Variants in OTOF observed in about 807,000 individuals in gnomAD.
OTOF encodes fer-1-like family member 2.
Under a neutral mutation model 236.8 loss-of-function variants are expected in OTOF, and 218 were observed. The ratio of observed to expected loss-of-function variants is 0.92; its 90% CI spans 0.82 to 1.03. OTOF has a LOEUF of 1.03. Among genes scored for constraint, OTOF ranks in the 50% least tolerant of loss-of-function variants. The pLI is 0.00. For synonymous variants in OTOF, 1,041 were observed against 1,072.5 expected, an observed-to-expected ratio of 0.97 and a Z score of 0.57; for missense variants, 2,590 against 2,694.4, an observed-to-expected ratio of 0.96 and a Z score of 0.86.
rs199931485 is a variant in OTOF at position 26,474,627 on chromosome 2, C to T, written c.3174G>A (p.Lys1058=). 2.2e-5 allele frequency: 35 copies of T among 1,613,356 alleles called. No individual in the cohort carries two copies. The highest frequency in any genetic ancestry group is 3.0e-5 in the Non-Finnish European group (35 of 1,180,020). Residue 1058 remains lysine, a synonymous_variant, in exon 26 of 47, where the codon AAG becomes AAA. Transcript: ENST00000272371. ...GTGGGCAGTACGCCTCGTCTGCCAT[C>T]TTCACCAGGGGTTTGGCGAAGGTCC... ...MGRTFAKPLV[K]MADEAYCPPR... is the part of the protein sequence containing the mutation.
chr2:26,501,367 A>G (rs1293619381), intron 8 of OTOF, among the ~76,000 whole-genome samples: 1 of 152,238 alleles, frequency 6.6e-6, no homozygotes, highest in Non-Finnish European at 1.5e-5. Context: ...ATAATACAAA[A>G]CAACAATTTA....
At chr2:26,505,412 TACACACACAC>T (rs10550936) in intron 5 of OTOF, among the ~76,000 whole-genome samples, 4 of 150,188 alleles carry the variant, frequency 2.7e-5, no homozygotes, top group African/African-American at 4.9e-5. Context: ...GGAGGTGAGT[TACACACACAC>T]ACACACACAC....
chr2:26,515,567 C>T (rs1360958688), intron 5 of OTOF, among the ~76,000 whole-genome samples: 2 of 152,194 alleles, frequency 1.3e-5, no homozygotes, highest in Admixed American at 6.5e-5. Context: ...ATGGTTTCTT[C>T]AGCAGAGGGA....
chr2:26,459,708 C>T (rs1331173990), intron 46 of OTOF, among the ~76,000 whole-genome samples: 1 of 152,180 alleles, frequency 6.6e-6, no homozygotes, highest in African/African-American at 2.4e-5. Flanking sequence ...GAGCAAGCTA[C>T]TTCACCTCTT....
chr2:26,544,003 G>A (rs1039771475), intron 1 of OTOF, among the ~76,000 whole-genome samples: 2 of 152,232 alleles, frequency 1.3e-5, no homozygotes, highest in South Asian at 2.1e-4. Flanking sequence ...TTATAGGCGT[G>A]GGCCACTGCG....
Position 26,479,591 on chromosome 2 carries a change from GCTCCTT to G in OTOF, c.1969_1974del (p.Lys657_Glu658del), listed in dbSNP as rs766249513. ...AGGTCTACTTCTTCCTCATCCCCCG[GCTCCTT>G]CCGGGGCCGAGGCCGCTGGGGCCGG... On this transcript the variant is annotated inframe_deletion, in exon 17 of 47. Transcript: ENST00000272371. 1 of 1,612,740 alleles carries G rather than the reference GCTCCTT, an allele frequency of 6.2e-7. No homozygotes were observed. The highest frequency in any genetic ancestry group is 2.2e-5 in the East Asian group (1 of 44,866).
chr2:26,472,712 C>T (rs968140667), intron 29 of OTOF, 63 bp from the exon 30 acceptor site: 67 of 1,568,162 alleles, frequency 4.3e-5, no homozygotes, highest in African/African-American at 4.1e-4. Context: ...GTGAGATTGG[C>T]GGGGCAGGAA....
At chr2:26,526,534 A>C (rs971893816) in intron 3 of OTOF, among the ~76,000 whole-genome samples, 2 of 152,134 alleles carry the variant, frequency 1.3e-5, no homozygotes, top group Non-Finnish European at 2.9e-5. Context: ...TGAATGGATG[A>C]ATATGTCCTC....
rs1664536300 is a variant in OTOF at position 26,462,660 on chromosome 2, T to A, written c.5193-479A>T. On this transcript the variant is annotated intron_variant, in intron 41 of 46. Transcript: ENST00000272371. The surrounding 1 kb of genome is among the most constrained non-coding windows in gnomAD (Gnocchi z 4.7). ...GGGCTGCGAGCCCAGAGTGGCCCAGTGAGTTGGGTGCCCCCTAATGACAGG... is the reference window on the plus strand; with the variant it reads ...GGGCTGCGAGCCCAGAGTGGCCCAGAGAGTTGGGTGCCCCCTAATGACAGG... Among the ~76,000 whole-genome samples the A allele has an allele frequency of 6.6e-6, 1 of 152,176 alleles. No individual in the cohort carries two copies. Among genetic ancestry groups the A allele is most frequent in the South Asian group, 2.1e-4 (1 of 4,826 alleles).
chr2:26,515,197 CACG>C (rs1666491836), intron 5 of OTOF, among the ~76,000 whole-genome samples: 1 of 152,220 alleles, frequency 6.6e-6, no homozygotes, highest in Admixed American at 6.5e-5. Flanking sequence ...CCAAGGGTCA[CACG>C]ACTAGTAAGA....
rs1665460586 is a variant in OTOF at position 26,479,452 on chromosome 2, A to C, written c.2093+21T>G. 8.7e-6 allele frequency: 14 copies of C among 1,603,814 alleles called. No homozygotes were observed. In the East Asian group the frequency reaches 2.9e-4, roughly 33 times the overall value. Reference sequence around the variant, plus strand: ...GGAGGTGGGAGGGCCAGGCCACAGGAGGATGGGAGGCTGGGCCCACCTGTC... The same window carrying C: ...GGAGGTGGGAGGGCCAGGCCACAGGCGGATGGGAGGCTGGGCCCACCTGTC... On this transcript the variant is annotated intron_variant, in intron 17 of 46. Coordinates refer to ENST00000272371, the MANE Select transcript of OTOF (RefSeq NM_194248.3).
intron 3 of OTOF, among the ~76,000 whole-genome samples, chr2:26,525,412 G>A (rs987718150): frequency 6.6e-6 from 1 of 152,190 alleles, no homozygotes; most frequent in Non-Finnish European, 1.5e-5. Context: ...TCCTAAGACA[G>A]CACATTGGCT....
intron 1 of OTOF, among the ~76,000 whole-genome samples, chr2:26,550,907 C>T (rs747834584): frequency 6.6e-6 from 1 of 152,168 alleles, no homozygotes; most frequent in Non-Finnish European, 1.5e-5. Context: ...CTTCCGGTCT[C>T]CCCTCCACAC....
intron 2 of OTOF, among the ~76,000 whole-genome samples, 189 bp downstream of exon 2, chr2:26,537,527 G>T (rs928301164): frequency 1.3e-5 from 2 of 152,202 alleles, no homozygotes; most frequent in African/African-American, 4.8e-5. Flanking sequence ...TTTCTGGGGG[G>T]AACATGGGGG....
rs73923714 is a variant in OTOF at position 26,537,465 on chromosome 2, C to A, written c.138+251G>T. 2.5e-3 allele frequency among the ~76,000 whole-genome samples: 385 copies of A among 152,322 alleles called. 3 individuals carry two copies. The highest frequency in any genetic ancestry group is 0.01 in the Middle Eastern group (3 of 294). On this transcript the variant is annotated intron_variant, in intron 2 of 46. Coordinates refer to ENST00000272371, the MANE Select transcript of OTOF (RefSeq NM_194248.3). ...GACCCAGCAGGGCCGTCGAGGTGGG[C>A]GAGGCTGCTGTTCCCCGTGTCATTT... is the stretch of plus-strand genomic sequence containing the variant.
In OTOF at chr2:26,466,362, A is replaced by G. The variant is rs1664726719; in HGVS notation, c.4501-286T>C. ...TTCTTTTTTTTTTCCTTTGAGACAG[A>G]GTCTCGCTCTGTCTCCCAGGCTGGA... On this transcript the variant is annotated intron_variant, in intron 36 of 46. Coordinates refer to ENST00000272371, the MANE Select transcript of OTOF (RefSeq NM_194248.3). The G allele has an allele frequency of 9.7e-6, 5 of 516,296 alleles. No individual in the cohort carries two copies. The South Asian group carries it at 1.0e-4, about 11-fold the overall frequency. 32.0% of individuals were successfully genotyped at this position (516,296 alleles called of 1,614,324 possible). A position where few individuals can be genotyped will look rare whatever the true frequency, so the allele number is the denominator to read the frequency against.
At chr2:26,539,931 A>C (rs919566005) in intron 1 of OTOF, among the ~76,000 whole-genome samples, 9 of 152,144 alleles carry the variant, frequency 5.9e-5, no homozygotes, top group African/African-American at 2.2e-4. Context: ...TTGAAAGACA[A>C]ACACCCTTTT....
At chr2:26,540,276 T>C (rs932765490) in intron 1 of OTOF, among the ~76,000 whole-genome samples, 9 of 152,196 alleles carry the variant, frequency 5.9e-5, no homozygotes, top group African/African-American at 1.2e-4. Flanking sequence ...AACCATTTCA[T>C]TGAAGGGCTG....
At chr2:26,552,781 G>A (rs894476827) in intron 1 of OTOF, among the ~76,000 whole-genome samples, 3 of 152,150 alleles carry the variant, frequency 2.0e-5, no homozygotes, top group Non-Finnish European at 4.4e-5. Flanking sequence ...GGGCATATCC[G>A]TTAGGACTAA....
Sources: gnomAD v4.1 joint callset for allele counts (sites outside exome capture counted in the v4.1 genomes callset) on GRCh38, gnomAD v4.1.1 for gene constraint, Gnocchi (gnomAD v3.1) non-coding constraint, MANE v1.5 for transcripts, NCBI Gene and HGNC (gene_info 2026-07-23, HGNC 2026-07-21) for gene names.